Variants in STX8 observed in about 807,000 individuals in gnomAD.
STX8 encodes syntaxin 8.
STX8 carries 23 observed loss-of-function variants against 37.5 expected under a neutral mutation model. That is an observed-to-expected ratio of 0.61 (90% CI 0.44 to 0.87). The LOEUF (loss-of-function observed/expected upper bound fraction) is 0.87. STX8 is among the 40% of genes least tolerant of loss of function. The pLI, the probability that STX8 is intolerant of heterozygous loss-of-function variation, is 0.00. For synonymous variants in STX8, 115 were observed against 99.1 expected (o/e 1.16, Z -0.95); for missense variants, 313 against 284.7 (o/e 1.10, Z -0.71).
At chr17:9,575,187 T>C (rs1206143915) in intron 1 of STX8, among the ~76,000 whole-genome samples, 2 of 152,194 alleles carry the variant, frequency 1.3e-5, no homozygotes, top group South Asian at 4.1e-4. Context: ...CAGCTATTGT[T>C]TTACTGCAGA....
Position 9,274,744 on chromosome 17 carries a change from C to CTTTTTTTTTTTTTTTTTTTTTTTT in STX8, c.644-24100_644-24099insAAAAAAAAAAAAAAAAAAAAAAAA, listed in dbSNP as rs201550065. Among the ~76,000 whole-genome samples the CTTTTTTTTTTTTTTTTTTTTTTTT allele has an allele frequency of 3.4e-5, 3 of 88,884 alleles. 1 individual carries two copies. Among genetic ancestry groups the CTTTTTTTTTTTTTTTTTTTTTTTT allele is most frequent in the Non-Finnish European group, 6.8e-5 (3 of 44,070 alleles). The allele number at this position is 88,884 out of a possible 152,430, so 58.3% of individuals were successfully genotyped here. On this transcript the variant is annotated intron_variant, in intron 7 of 7. Transcript: ENST00000306357. Reference sequence around the variant, plus strand: ...AAAGTCTTCAAAAATACAACAATTTCTTTTTTCTTTTTTTTTTTTTTTTTT... The same window carrying CTTTTTTTTTTTTTTTTTTTTTTTT: ...AAAGTCTTCAAAAATACAACAATTTCTTTTTTTTTTTTTTTTTTTTTTTTTTTTTTCTTTTTTTTTTTTTTTTTT...
chr17:9,529,246 TTAGAGAGA>T (rs780948780), intron 4 of STX8, among the ~76,000 whole-genome samples: 3 of 12,788 alleles, frequency 2.3e-4, no homozygotes, highest in Admixed American at 2.6e-3. Flanking sequence ...GACATAGCTC[TTAGAGAGA>T]GAGAGAGAGA....
chr17:9,359,818 G>T (rs536828155), intron 7 of STX8, among the ~76,000 whole-genome samples: 1 of 151,952 alleles, frequency 6.6e-6, no homozygotes, highest in Non-Finnish European at 1.5e-5. Context: ...TGTGATAGGA[G>T]TTTTAATTTT....
Position 9,436,952 on chromosome 17 carries a change from A to G in STX8, c.541+54877T>C, listed in dbSNP as rs186508312. 1.1e-3 allele frequency among the ~76,000 whole-genome samples: 169 copies of G among 152,350 alleles called. 3 individuals carry two copies. The highest frequency in any genetic ancestry group is 3.9e-3 in the African/African-American group (161 of 41,582). ...CAAGCTGATTTTAGGACAGGCAAGCAATCACAAAATACTCTTCTGTGCAAT... is the reference window on the plus strand; with the variant it reads ...CAAGCTGATTTTAGGACAGGCAAGCGATCACAAAATACTCTTCTGTGCAAT... On this transcript the variant is annotated intron_variant, in intron 6 of 7. Transcript: ENST00000306357.
intron 6 of STX8, among the ~76,000 whole-genome samples, chr17:9,489,706 T>TTTTTTTTTA (rs1597704231): frequency 2.0e-5 from 3 of 150,302 alleles, no homozygotes; most frequent in South Asian, 2.1e-4. Context: ...TTTTTTTTTT[T>TTTTTTTTTA]GAGATGGATT....
At chr17:9,385,120 A>G (rs895746024) in intron 6 of STX8, among the ~76,000 whole-genome samples, 2 of 152,158 alleles carry the variant, frequency 1.3e-5, no homozygotes, top group African/African-American at 2.4e-5. Context: ...AGATTGGTCA[A>G]TCTGATTTAG....
intron 4 of STX8, among the ~76,000 whole-genome samples, chr17:9,538,619 CTG>C (rs1272622542): frequency 6.6e-6 from 1 of 152,222 alleles, no homozygotes; most frequent in African/African-American, 2.4e-5. Flanking sequence ...AATCTGCACT[CTG>C]AGAAAACGTA....
chr17:9,364,341 A>G (rs1409723121), intron 7 of STX8, among the ~76,000 whole-genome samples: 4 of 152,174 alleles, frequency 2.6e-5, no homozygotes, highest in Admixed American at 1.3e-4. Flanking sequence ...CTTAGTATAT[A>G]TTATCTTCAT....
chr17:9,557,861 T>C (rs1472133706), intron 2 of STX8, among the ~76,000 whole-genome samples: 3 of 152,176 alleles, frequency 2.0e-5, no homozygotes, highest in Non-Finnish European at 2.9e-5. Flanking sequence ...ATCCTATGTA[T>C]CTACCTTGGA....
At chr17:9,540,377 T>C (rs762759304) in intron 4 of STX8, among the ~76,000 whole-genome samples, 2 of 152,188 alleles carry the variant, frequency 1.3e-5, no homozygotes. Context: ...TGAATTTTCT[T>C]ATTGATCAGA....
At chr17:9,265,580 TAC>T (rs1439679757) in intron 7 of STX8, among the ~76,000 whole-genome samples, 1 of 152,260 alleles carries the variant, frequency 6.6e-6, no homozygotes, top group Non-Finnish European at 1.5e-5. Flanking sequence ...AGCAGCTCAA[TAC>T]ACGTTTACTC....
At chr17:9,417,818 G>A (rs1265153559) in intron 6 of STX8, among the ~76,000 whole-genome samples, 1 of 152,152 alleles carries the variant, frequency 6.6e-6, no homozygotes, top group African/African-American at 2.4e-5. Flanking sequence ...CTAAATGATG[G>A]GACTCAGAGA....
intron 7 of STX8, among the ~76,000 whole-genome samples, chr17:9,357,659 T>C (rs1910931846): frequency 6.6e-6 from 1 of 151,952 alleles, no homozygotes; most frequent in African/African-American, 2.4e-5. Flanking sequence ...TCATGTCATT[T>C]CATTCCAGCT....
chr17:9,527,942 G>A (rs1381753241), intron 4 of STX8, among the ~76,000 whole-genome samples: 1 of 152,134 alleles, frequency 6.6e-6, no homozygotes, highest in Non-Finnish European at 1.5e-5. Context: ...CGTTGTAATG[G>A]CAAAAAACTA....
intron 7 of STX8, among the ~76,000 whole-genome samples, chr17:9,327,874 T>C (rs1415321995): frequency 1.3e-5 from 2 of 151,120 alleles, no homozygotes; most frequent in African/African-American, 2.4e-5. Flanking sequence ...TCCTCTCTTT[T>C]TTCCTTCCTT....
chr17:9,402,483 C>G (rs1412786628), intron 6 of STX8, among the ~76,000 whole-genome samples: 2 of 152,120 alleles, frequency 1.3e-5, no homozygotes, highest in Non-Finnish European at 2.9e-5. Context: ...CTGCTGCTTG[C>G]ATTTCTTTCC....
At chr17:9,318,082 C>T (rs1909449096) in intron 7 of STX8, among the ~76,000 whole-genome samples, 1 of 152,136 alleles carries the variant, frequency 6.6e-6, no homozygotes, top group African/African-American at 2.4e-5. Context: ...ATAGAAGGCA[C>T]AGAATAAGCA....
chr17:9,440,555 C>T (rs1289062064), intron 6 of STX8, among the ~76,000 whole-genome samples: 6 of 145,138 alleles, frequency 4.1e-5, no homozygotes, highest in African/African-American at 1.5e-4. Context: ...GACGGAGTCT[C>T]GCTCTGTCAC....
chr17:9,540,437 G>T (rs1906233802), intron 4 of STX8, among the ~76,000 whole-genome samples: 1 of 152,182 alleles, frequency 6.6e-6, no homozygotes, highest in Admixed American at 6.5e-5. Flanking sequence ...AGCATATGCG[G>T]ACATGTTCCC....
Sources: gnomAD v4.1 joint callset for allele counts (sites outside exome capture counted in the v4.1 genomes callset) on GRCh38, gnomAD v4.1.1 for gene constraint, MANE v1.5 for transcripts, NCBI Gene and HGNC (gene_info 2026-07-23, HGNC 2026-07-21) for gene names.